The following ANO6 variants were observed in gnomAD, a reference collection of about 807,000 sequenced individuals.
ANO6 encodes the protein anoctamin 6.
ANO6 carries 106 observed loss-of-function variants against 117.5 expected under a neutral mutation model. That is an observed-to-expected ratio of 0.90 (90% CI 0.77 to 1.06). The LOEUF (loss-of-function observed/expected upper bound fraction) is 1.06. Ranked by LOEUF, ANO6 falls within the 50% of genes least tolerant of loss-of-function variation. The pLI is 0.00. For missense variants in ANO6, 955 were observed against 1,121.1 expected, an observed-to-expected ratio of 0.85 and a Z score of 2.12; for synonymous variants, 367 against 385.1, an observed-to-expected ratio of 0.95 and a Z score of 0.55.
chr12:45,391,511 G>A (rs909232836), intron 12 of ANO6, among the ~76,000 whole-genome samples: 1 of 151,890 alleles, frequency 6.6e-6, no homozygotes, highest in Non-Finnish European at 1.5e-5. Flanking sequence ...CTATTTGGGG[G>A]GACAATAAAT....
chr12:45,270,471 C>G (rs1938359059), intron 1 of ANO6: 1 of 1,519,778 alleles, frequency 6.6e-7, no homozygotes, highest in East Asian at 2.5e-5. Flanking sequence ...GGTGATGTTC[C>G]TGCCTCCAGG....
At chr12:45,344,959 A>G (rs926144982) in intron 3 of ANO6, among the ~76,000 whole-genome samples, 2 of 152,154 alleles carry the variant, frequency 1.3e-5, no homozygotes, top group Non-Finnish European at 2.9e-5. Context: ...CAGAGGGAAC[A>G]GTCACTTTTG....
At chr12:45,276,504 C>CT (rs58069079) in intron 1 of ANO6, among the ~76,000 whole-genome samples, 8,205 of 151,948 alleles carry the variant, frequency 0.054, 524 homozygotes, top group East Asian at 0.34. Context: ...CTTGCATGCT[C>CT]TTTTTTTTAG....
intron 8 of ANO6, among the ~76,000 whole-genome samples, chr12:45,363,163 C>A (rs1173815192): frequency 6.6e-6 from 1 of 152,134 alleles, no homozygotes; most frequent in Admixed American, 6.6e-5. Context: ...ACCATTGGAG[C>A]ATCCCAAATC....
At chr12:45,315,188 A>G (rs1939982729) in intron 2 of ANO6, among the ~76,000 whole-genome samples, 1 of 152,112 alleles carries the variant, frequency 6.6e-6, no homozygotes, top group African/African-American at 2.4e-5. Context: ...TATGGAGACA[A>G]CTTGTGATGC....
At chr12:45,403,006 T>A (rs746817714) in intron 13 of ANO6, 66 bp from the exon 14 acceptor site, 49 of 1,450,920 alleles carry the variant, frequency 3.4e-5, no homozygotes, top group Middle Eastern at 1.8e-4. Flanking sequence ...TGTATCAGTA[T>A]TTTTTATTAG....
intron 11 of ANO6, among the ~76,000 whole-genome samples, chr12:45,389,650 T>A (rs558312029): frequency 2.6e-5 from 4 of 152,344 alleles, no homozygotes; most frequent in South Asian, 2.1e-4. Flanking sequence ...TATAGTGTGA[T>A]GGTGAAGTCT....
intron 1 of ANO6, among the ~76,000 whole-genome samples, chr12:45,270,786 C>A (rs1201500720): frequency 6.6e-6 from 1 of 152,114 alleles, no homozygotes; most frequent in Admixed American, 6.6e-5. Flanking sequence ...CAGTCTCACT[C>A]CGTCACCCAT....
rs1942832293 is a variant in ANO6, at chr12:45,402,961, T to C, written c.1613-111T>C. 8 of 1,018,378 alleles carry C rather than the reference T, an allele frequency of 7.9e-6. No homozygotes were observed. The South Asian group carries it at 9.8e-5, about 12-fold the overall frequency. The allele number at this position is 1,018,378 out of a possible 1,614,324, so 63.1% of individuals were successfully genotyped here. A position where few individuals can be genotyped will look rare whatever the true frequency, so the allele number is the denominator to read the frequency against. On this transcript the variant is annotated intron_variant, in intron 13 of 19. Transcript: ENST00000320560. ...ACAGCTTAAATGGAAACAGTGTGAA[T>C]TGTATTTTTTTAACGTGTTTAACGT... is the stretch of plus-strand genomic sequence containing the variant.
At chr12:45,332,267 A>G (rs1427135435) in intron 3 of ANO6, among the ~76,000 whole-genome samples, 2 of 149,838 alleles carry the variant, frequency 1.3e-5, no homozygotes, top group East Asian at 2.0e-4. Context: ...TTTCACATAT[A>G]TGTGTGCTCT....
chr12:45,317,606 G>A (rs970085831), intron 2 of ANO6, among the ~76,000 whole-genome samples: 2 of 152,036 alleles, frequency 1.3e-5, no homozygotes, highest in Non-Finnish European at 2.9e-5. Flanking sequence ...CTTTGTAGCA[G>A]CATGATTTAT....
intron 1 of ANO6, among the ~76,000 whole-genome samples, chr12:45,222,028 C>T (rs1046530098): frequency 1.3e-5 from 2 of 151,616 alleles, no homozygotes; most frequent in Admixed American, 6.6e-5. Context: ...ACTACAGGCC[C>T]CCGCCACCAC....
chr12:45,234,461 C>T (rs942950141), intron 1 of ANO6, among the ~76,000 whole-genome samples: 2 of 152,070 alleles, frequency 1.3e-5, no homozygotes, highest in Non-Finnish European at 2.9e-5. Context: ...CGTTTGGTAA[C>T]TGAAAGAGCT....
chr12:45,284,281 T>TA (rs1282350023), intron 1 of ANO6, among the ~76,000 whole-genome samples: 1 of 152,204 alleles, frequency 6.6e-6, no homozygotes, highest in Non-Finnish European at 1.5e-5. Context: ...ATGTGGATTT[T>TA]AACCTACAGT....
chr12:45,266,972 C>G (rs76889923), intron 1 of ANO6, among the ~76,000 whole-genome samples: 2 of 152,190 alleles, frequency 1.3e-5, no homozygotes, highest in East Asian at 1.9e-4. Flanking sequence ...TGTTTCTTCA[C>G]AAAGCAGATG....
In ANO6 at chr12:45,348,650, A is replaced by G. The variant is rs1395462475; in HGVS notation, c.747+19A>G. 5.0e-6 allele frequency: 8 copies of G among 1,586,128 alleles called. No homozygotes were observed. The highest frequency in any genetic ancestry group is 1.7e-5 in the Admixed American group (1 of 59,932). The stretch of plus-strand genomic sequence containing the variant: ...CCATGATGTAAGTTAAAAGGCAAAA[A>G]TGAACTAAAAGGCCTTCTGTATACT... On this transcript the variant is annotated intron_variant, in intron 6 of 19. Coordinates refer to ENST00000320560, the MANE Select transcript of ANO6 (RefSeq NM_001025356.3).
intron 6 of ANO6, among the ~76,000 whole-genome samples, chr12:45,349,459 G>A (rs1245331931): frequency 6.6e-6 from 1 of 152,122 alleles, no homozygotes; most frequent in African/African-American, 2.4e-5. Context: ...CACTGTAAAT[G>A]CAGGGACATT....
Position 45,251,406 on chromosome 12 carries a change from G to A in ANO6, c.70+35015G>A, listed in dbSNP as rs548485576. 4.6e-5 allele frequency among the ~76,000 whole-genome samples: 7 copies of A among 152,276 alleles called. No individual in the cohort carries two copies. In the East Asian group the frequency reaches 1.4e-3, roughly 29 times the overall value. On this transcript the variant is annotated intron_variant, in intron 1 of 19. Coordinates refer to ENST00000320560, the MANE Select transcript of ANO6 (RefSeq NM_001025356.3). ...GTTTTTGCACAGAGATTCAGCCAGG[G>A]CTCAGCTGAGTGGTGTTTAGCTGGC...
intron 1 of ANO6, among the ~76,000 whole-genome samples, chr12:45,232,562 CTT>C (rs1232674839): frequency 6.6e-6 from 1 of 152,166 alleles, no homozygotes; most frequent in Non-Finnish European, 1.5e-5. Context: ...ATTATCAACT[CTT>C]TACAAAACAG....
Sources: gnomAD v4.1 joint callset for allele counts (sites outside exome capture counted in the v4.1 genomes callset) on GRCh38, gnomAD v4.1.1 for gene constraint, MANE v1.5 for transcripts, NCBI Gene and HGNC (gene_info 2026-07-23, HGNC 2026-07-21) for gene names.